SLIT3: variants seen among roughly 807,000 people sequenced by gnomAD.
The protein encoded by SLIT3 is slit homolog 3 protein.
Under a neutral mutation model 184.0 loss-of-function variants are expected in SLIT3, and 68 were observed. That is an observed-to-expected ratio of 0.37 (90% CI 0.30 to 0.45). SLIT3 has a LOEUF of 0.45. Among genes scored for constraint, SLIT3 ranks in the 20% least tolerant of loss-of-function variants. SLIT3 has a pLI of 1.00. For synonymous variants in SLIT3, 831 were observed against 828.6 expected (o/e 1.00, Z -0.05); for missense variants, 1,707 against 2,026.0 (o/e 0.84, Z 3.02).
intron 1 of SLIT3, among the ~76,000 whole-genome samples, chr5:169,256,209 G>A (rs78804383): frequency 0.023 from 3,478 of 152,248 alleles, 68 homozygotes; most frequent in Non-Finnish European, 0.03. Context: ...CCACTTAGGA[G>A]GCTGAGGTAG....
intron 1 of SLIT3, among the ~76,000 whole-genome samples, chr5:169,289,129 G>A (rs1437454314): frequency 6.6e-6 from 1 of 152,162 alleles, no homozygotes; most frequent in Non-Finnish European, 1.5e-5. Flanking sequence ...TATGGAGACC[G>A]CAAAGGTACT....
intron 5 of SLIT3, among the ~76,000 whole-genome samples, chr5:168,849,503 G>A (rs543304698): frequency 1.3e-5 from 2 of 152,298 alleles, no homozygotes; most frequent in Non-Finnish European, 2.9e-5. Flanking sequence ...CACAAGGGAA[G>A]CCTTACTAGA....
chr5:169,044,175 C>T (rs1422876103), intron 4 of SLIT3, among the ~76,000 whole-genome samples: 2 of 152,182 alleles, frequency 1.3e-5, no homozygotes, highest in African/African-American at 4.8e-5. Context: ...CTGAAACATG[C>T]ATACATTGCT....
chr5:168,668,285 G>A (rs553313153), intron 35 of SLIT3, among the ~76,000 whole-genome samples: 2 of 152,272 alleles, frequency 1.3e-5, no homozygotes, highest in African/African-American at 2.4e-5. Context: ...ATACATATGC[G>A]AATCATTGCA....
intron 4 of SLIT3, among the ~76,000 whole-genome samples, chr5:168,912,851 T>A (rs1761298112): frequency 6.6e-6 from 1 of 152,160 alleles, no homozygotes. Flanking sequence ...TCTCTCCCAC[T>A]GCTCTGGTCC....
chr5:168,759,394 C>T (rs1755060194), intron 16 of SLIT3, among the ~76,000 whole-genome samples: 1 of 152,182 alleles, frequency 6.6e-6, no homozygotes, highest in Admixed American at 6.5e-5. Flanking sequence ...TGGCCAGCAG[C>T]ACTATAACTC....
chr5:169,242,203 C>T (rs1458453757), intron 3 of SLIT3, among the ~76,000 whole-genome samples: 2 of 152,218 alleles, frequency 1.3e-5, no homozygotes, highest in Non-Finnish European at 2.9e-5. Flanking sequence ...ATGTCACACA[C>T]ATCCCTTCTT....
intron 25 of SLIT3, among the ~76,000 whole-genome samples, chr5:168,710,656 G>A (rs1216229751): frequency 6.6e-6 from 1 of 152,082 alleles, no homozygotes; most frequent in African/African-American, 2.4e-5. Context: ...TGTACAGAAA[G>A]AAGTCAGTGA....
At chr5:168,710,690 G>C (rs867288527) in intron 25 of SLIT3, among the ~76,000 whole-genome samples, 2 of 152,210 alleles carry the variant, frequency 1.3e-5, no homozygotes, top group South Asian at 4.1e-4. Context: ...AATGCCAGCA[G>C]GGAACTTGGA....
chr5:169,147,601 C>T (rs1439840982), intron 4 of SLIT3, among the ~76,000 whole-genome samples: 1 of 152,210 alleles, frequency 6.6e-6, no homozygotes, highest in African/African-American at 2.4e-5. Flanking sequence ...ACAGCACTAT[C>T]CACGAGGTTA....
chr5:169,112,289 C>T (rs1413978429), intron 4 of SLIT3, among the ~76,000 whole-genome samples: 1 of 152,178 alleles, frequency 6.6e-6, no homozygotes, highest in Non-Finnish European at 1.5e-5. Flanking sequence ...CAGTGAGGGG[C>T]TCTCAGCCTG....
intron 4 of SLIT3, among the ~76,000 whole-genome samples, chr5:169,057,391 G>T (rs1241324053): frequency 6.6e-6 from 1 of 152,174 alleles, no homozygotes; most frequent in African/African-American, 2.4e-5. Context: ...CTGGAAGCCC[G>T]CTTTGCTTAG....
At chr5:168,748,140 T>A (rs1000500841) in intron 20 of SLIT3, among the ~76,000 whole-genome samples, 162 bp downstream of exon 20, 3 of 152,092 alleles carry the variant, frequency 2.0e-5, no homozygotes, top group African/African-American at 4.8e-5. Flanking sequence ...ATGGCTGCCA[T>A]CTTGGTGAGG....
At chr5:168,779,221 G>A (rs897157206) in intron 12 of SLIT3, among the ~76,000 whole-genome samples, 1 of 152,144 alleles carries the variant, frequency 6.6e-6, no homozygotes, top group Non-Finnish European at 1.5e-5. Flanking sequence ...CGACATCATA[G>A]CCCAAAGATT....
Position 168,708,410 on chromosome 5 carries a change from C to A in SLIT3, c.2720-310G>T, listed in dbSNP as rs938002468. ...GCAAACAATGCACCATAATTAGAAA[C>A]CCCCTGTGTATCTTTTCATATTCCA... On this transcript the variant is annotated intron_variant, in intron 25 of 35. Coordinates refer to ENST00000519560, the MANE Select transcript of SLIT3 (RefSeq NM_003062.4). 11 of 426,226 alleles carry A rather than the reference C, an allele frequency of 2.6e-5. No individual in the cohort carries two copies. The East Asian group carries it at 4.2e-4, about 16-fold the overall frequency. The allele number at this position is 426,226 out of a possible 1,614,324, so 26.4% of individuals were successfully genotyped here.
intron 2 of SLIT3, 48 bp downstream of exon 2, chr5:169,251,340 C>T: frequency 1.5e-6 from 2 of 1,328,066 alleles, no homozygotes; most frequent in Middle Eastern, 1.8e-4. Context: ...TTTTGTGAGG[C>T]TGAAGAGCTA....
At chr5:169,287,745 C>A (rs1163505297) in intron 1 of SLIT3, among the ~76,000 whole-genome samples, 2 of 152,180 alleles carry the variant, frequency 1.3e-5, no homozygotes, top group African/African-American at 2.4e-5. Flanking sequence ...CAGCTTCTAG[C>A]AGGAGGGGAT....
chr5:168,855,567 C>T (rs1005931819), intron 5 of SLIT3, among the ~76,000 whole-genome samples: 4 of 152,130 alleles, frequency 2.6e-5, no homozygotes, highest in East Asian at 1.9e-4. Flanking sequence ...CTGATGTATG[C>T]GGCAACATGG....
intron 4 of SLIT3, chr5:169,012,157 T>C (rs1408262137): frequency 1.3e-5 from 2 of 152,216 alleles, no homozygotes; most frequent in Non-Finnish European, 2.9e-5. Flanking sequence ...ATTTTGATGA[T>C]TGCCTAGAAG....
Sources: allele counts gnomAD v4.1 joint callset (sites outside exome capture counted in the v4.1 genomes callset), GRCh38; gene constraint gnomAD v4.1.1; transcripts MANE v1.5; gene names NCBI Gene and HGNC (gene_info 2026-07-23, HGNC 2026-07-21).